The following PCDH15 variants were observed in gnomAD, a reference collection of about 807,000 sequenced individuals.
The protein encoded by PCDH15 is protocadherin-15.
In PCDH15, 129 loss-of-function variants were observed where a neutral mutation model predicts 178.5. The ratio of observed to expected loss-of-function variants is 0.72; its 90% CI spans 0.63 to 0.84. The LOEUF (loss-of-function observed/expected upper bound fraction) is 0.84, where lower values mean the gene tolerates loss of function less well. Ranked by LOEUF, PCDH15 falls within the 40% of genes least tolerant of loss-of-function variation. The probability of loss-of-function intolerance (pLI) is 0.00; values close to 1 mark genes in which losing one functional copy is unlikely to be tolerated. For synonymous variants in PCDH15, 800 were observed against 732.0 expected (o/e 1.09, Z -1.50); for missense variants, 2,230 against 2,099.9 (o/e 1.06, Z -1.21).
chr10:55,275,989 C>T (rs1842585706), intron 1 of PCDH15, among the ~76,000 whole-genome samples: 1 of 151,070 alleles, frequency 6.6e-6, no homozygotes, highest in South Asian at 2.1e-4. Context: ...TTTTTCTAGG[C>T]ATGTTATCAT....
chr10:54,114,533 C>CA (rs2095080340), intron 15 of PCDH15, among the ~76,000 whole-genome samples: 2 of 152,106 alleles, frequency 1.3e-5, no homozygotes, highest in African/African-American at 4.8e-5. Context: ...GCAAATAAAA[C>CA]AAACTCTCGG....
At chr10:54,886,480 G>T (rs572187724) in intron 3 of PCDH15, among the ~76,000 whole-genome samples, 1 of 152,328 alleles carries the variant, frequency 6.6e-6, no homozygotes, top group South Asian at 2.1e-4. Flanking sequence ...TCTAGTTATT[G>T]TTCAGGCGCA....
intron 27 of PCDH15, among the ~76,000 whole-genome samples, chr10:53,859,304 C>A (rs2078954748): frequency 6.6e-6 from 1 of 152,110 alleles, no homozygotes; most frequent in Admixed American, 6.6e-5. Context: ...TGGGAGAAAG[C>A]TCCTGGACCA....
chr10:55,075,281 G>T (rs1841856182), intron 2 of PCDH15, among the ~76,000 whole-genome samples: 1 of 151,666 alleles, frequency 6.6e-6, no homozygotes, highest in Non-Finnish European at 1.5e-5. Flanking sequence ...GGTATCAATT[G>T]TGAGGCTCAA....
chr10:54,223,322 AAAG>A (rs1429631329), intron 9 of PCDH15, among the ~76,000 whole-genome samples: 115 of 122,316 alleles, frequency 9.4e-4, no homozygotes, highest in African/African-American at 3.1e-3. Flanking sequence ...AAAAAAAAAA[AAAG>A]AGAAATTGTT....
intron 1 of PCDH15, among the ~76,000 whole-genome samples, chr10:55,305,121 G>C (rs1236064197): frequency 6.6e-6 from 1 of 152,134 alleles, no homozygotes; most frequent in African/African-American, 2.4e-5. Context: ...TCTTGCAAGT[G>C]AACATTCTGA....
chr10:54,524,559 C>T (rs1046055285), intron 3 of PCDH15, among the ~76,000 whole-genome samples: 1 of 152,152 alleles, frequency 6.6e-6, no homozygotes, highest in African/African-American at 2.4e-5. Flanking sequence ...GTAACTGTCC[C>T]CACCTCTCTT....
At chr10:54,735,895 T>C (rs572178568) in intron 1 of PCDH15, among the ~76,000 whole-genome samples, 8 of 129,872 alleles carry the variant, frequency 6.2e-5, no homozygotes, top group African/African-American at 1.2e-4. Flanking sequence ...AGGGATAGCA[T>C]TGGGAGATAT....
At chr10:54,859,544 C>A (rs1011445441) in intron 3 of PCDH15, among the ~76,000 whole-genome samples, 1 of 151,982 alleles carries the variant, frequency 6.6e-6, no homozygotes, top group African/African-American at 2.4e-5. Context: ...CAGAGTACTG[C>A]TTTATAGCTC....
At chr10:53,897,861 T>C (rs1166102750) in intron 26 of PCDH15, among the ~76,000 whole-genome samples, 1 of 152,184 alleles carries the variant, frequency 6.6e-6, no homozygotes, top group Non-Finnish European at 1.5e-5. Context: ...TATTAGAATT[T>C]ATTTCCCTTT....
chr10:54,066,705 C>G, intron 18 of PCDH15, 52 bp downstream of exon 18: 3 of 1,566,424 alleles, frequency 1.9e-6, no homozygotes, highest in Non-Finnish European at 2.6e-6. Flanking sequence ...ATGTAATAAA[C>G]TTACACTCTT....
intron 2 of PCDH15, among the ~76,000 whole-genome samples, chr10:54,544,654 C>T (rs1174025638): frequency 6.6e-6 from 1 of 152,126 alleles, no homozygotes; most frequent in East Asian, 1.9e-4. Flanking sequence ...TAACAACTTC[C>T]TTCATTGCTT....
intron 3 of PCDH15, among the ~76,000 whole-genome samples, chr10:54,457,864 G>C (rs1374989891): frequency 6.6e-6 from 1 of 152,134 alleles, no homozygotes; most frequent in South Asian, 2.1e-4. Flanking sequence ...TTTCTACTCT[G>C]CATTCAGCAC....
chr10:55,137,150 G>A (rs1379909130), intron 2 of PCDH15, among the ~76,000 whole-genome samples: 1 of 152,048 alleles, frequency 6.6e-6, no homozygotes, highest in Non-Finnish European at 1.5e-5. Context: ...TACAATTACA[G>A]TCATGTACCG....
At chr10:55,122,833 A>G (rs1591919784) in intron 2 of PCDH15, among the ~76,000 whole-genome samples, 1 of 152,312 alleles carries the variant, frequency 6.6e-6, no homozygotes, top group South Asian at 2.1e-4. Flanking sequence ...TTAAAGATGC[A>G]GATACATTAA....
At chr10:53,967,726 T>G (rs2089196177) in intron 21 of PCDH15, among the ~76,000 whole-genome samples, 1 of 152,230 alleles carries the variant, frequency 6.6e-6, no homozygotes, top group African/African-American at 2.4e-5. Flanking sequence ...AGAAAACATT[T>G]AAAATCAATA....
intron 3 of PCDH15, among the ~76,000 whole-genome samples, chr10:54,823,928 G>T (rs905972913): frequency 6.6e-6 from 1 of 152,008 alleles, no homozygotes; most frequent in Admixed American, 6.6e-5. Context: ...CACTCCCAAG[G>T]TTATAACAGA....
chr10:55,178,908 C>T (rs865872169), intron 1 of PCDH15, among the ~76,000 whole-genome samples: 30 of 152,240 alleles, frequency 2.0e-4, no homozygotes, highest in African/African-American at 7.0e-4. Context: ...TGCCCTCCCC[C>T]AAATTAGATT....
At chr10:55,094,380 G>C (rs1212591026) in intron 2 of PCDH15, among the ~76,000 whole-genome samples, 2 of 151,928 alleles carry the variant, frequency 1.3e-5, no homozygotes, top group Non-Finnish European at 2.9e-5. Context: ...ATCACACACA[G>C]GGGCCTGTTG....
Sources: gnomAD v4.1 joint callset for allele counts (sites outside exome capture counted in the v4.1 genomes callset) on GRCh38, gnomAD v4.1.1 for gene constraint, MANE v1.5 for transcripts, NCBI Gene and HGNC (gene_info 2026-07-23, HGNC 2026-07-21) for gene names.